Variants in FOXO1 observed in about 807,000 individuals in gnomAD.
FOXO1 encodes forkhead box O1.
A neutral mutation model predicts 44.1 loss-of-function variants in FOXO1; 6 were observed. That is an observed-to-expected ratio of 0.14 (90% CI 0.07 to 0.27). FOXO1 has a LOEUF of 0.27. Among genes scored for constraint, FOXO1 ranks in the 10% least tolerant of loss-of-function variants. The pLI is 1.00. For missense variants in FOXO1, 737 were observed against 888.8 expected, an observed-to-expected ratio of 0.83 and a Z score of 2.17; for synonymous variants, 380 against 362.7, an observed-to-expected ratio of 1.05 and a Z score of -0.54.
chr13:40,634,980 ATT>A (rs1877098782), intron 1 of FOXO1, among the ~76,000 whole-genome samples: 1 of 152,072 alleles, frequency 6.6e-6, no homozygotes, highest in African/African-American at 2.4e-5. Flanking sequence ...TCCAGCCCCA[ATT>A]TTTAAAAACA....
chr13:40,617,422 CA>C (rs1231369919), intron 1 of FOXO1, among the ~76,000 whole-genome samples: 1 of 144,074 alleles, frequency 6.9e-6, no homozygotes, highest in Non-Finnish European at 1.5e-5. Flanking sequence ...GCAACAAGAG[CA>C]AAACTCCGTC....
intron 1 of FOXO1, among the ~76,000 whole-genome samples, chr13:40,660,626 G>A (rs9549254): frequency 0.19 from 29,444 of 152,082 alleles, 2,998 homozygotes; most frequent in South Asian, 0.3. Context: ...GTATCGCCTC[G>A]GAGAAGATTC....
chr13:40,634,967 G>A (rs1014226060), intron 1 of FOXO1, among the ~76,000 whole-genome samples: 1 of 152,060 alleles, frequency 6.6e-6, no homozygotes, highest in African/African-American at 2.4e-5. Flanking sequence ...ATGAGCCACC[G>A]TGTCCAGCCC....
intron 1 of FOXO1, among the ~76,000 whole-genome samples, chr13:40,596,153 G>C (rs764841131): frequency 9.2e-5 from 14 of 151,994 alleles, no homozygotes; most frequent in Non-Finnish European, 1.5e-4. Flanking sequence ...TTATTAAATG[G>C]CCAAATGGAC....
At chr13:40,570,285 G>C (rs540405587) in intron 1 of FOXO1, among the ~76,000 whole-genome samples, 1 of 151,494 alleles carries the variant, frequency 6.6e-6, no homozygotes, top group Non-Finnish European at 1.5e-5. Context: ...ACTCCAGCCC[G>C]GCAACAGAGC....
In FOXO1 at chr13:40,556,667, T is replaced by C. The variant is rs1355844980; in HGVS notation, c.*2382A>G. On this transcript the variant is annotated 3_prime_UTR_variant, in exon 3 of 3. Transcript: ENST00000379561. ...TTCTCAGAGAGCTACCAAGGATTCA[T>C]GACAGGATTTCAACACACAATGGGG... The C allele has an allele frequency of 2.0e-5, 3 of 152,326 alleles. No homozygotes were observed. Among genetic ancestry groups the C allele is most frequent in the African/African-American group, 4.8e-5 (2 of 41,446 alleles). The allele number at this position is 152,326 out of a possible 1,614,324, so 9.4% of individuals were successfully genotyped here. A position where few individuals can be genotyped will look rare whatever the true frequency, so the allele number is the denominator to read the frequency against.
intron 1 of FOXO1, among the ~76,000 whole-genome samples, chr13:40,592,387 T>G (rs116357295): frequency 1.8e-3 from 267 of 152,366 alleles, no homozygotes; most frequent in African/African-American, 6.4e-3. Flanking sequence ...GCAATATCTT[T>G]GAAGGAGTTA....
intron 1 of FOXO1, among the ~76,000 whole-genome samples, chr13:40,629,761 C>CT (rs1454750037): frequency 3.3e-5 from 5 of 152,170 alleles, no homozygotes; most frequent in African/African-American, 1.2e-4. Context: ...ACCAATGGCC[C>CT]TTGCTTCACA....
chr13:40,581,535 C>T (rs144557237), intron 1 of FOXO1, among the ~76,000 whole-genome samples: 200 of 152,294 alleles, frequency 1.3e-3, no homozygotes, highest in African/African-American at 4.6e-3. Flanking sequence ...TTCCATACAA[C>T]ATGCAATTAA....
chr13:40,597,520 C>T (rs1164875850), intron 1 of FOXO1, among the ~76,000 whole-genome samples: 1 of 152,232 alleles, frequency 6.6e-6, no homozygotes, highest in Non-Finnish European at 1.5e-5. Context: ...GGACAGCCCA[C>T]CACCTGGAGG....
intron 1 of FOXO1, among the ~76,000 whole-genome samples, chr13:40,571,704 G>C (rs1357615506): frequency 1.3e-5 from 2 of 152,214 alleles, no homozygotes; most frequent in African/African-American, 2.4e-5. Context: ...AGAATATTAA[G>C]AGGAAACTCA....
intron 1 of FOXO1, chr13:40,620,257 AAT>A: frequency 7.1e-7 from 1 of 1,415,062 alleles, no homozygotes; most frequent in Non-Finnish European, 1.0e-6. Context: ...TCCCGGAGAA[AAT>A]AGAGATCAGG....
intron 1 of FOXO1, among the ~76,000 whole-genome samples, chr13:40,633,973 TA>T (rs1441223314): frequency 6.6e-6 from 1 of 152,162 alleles, no homozygotes; most frequent in Non-Finnish European, 1.5e-5. Context: ...TTCATCAAAA[TA>T]AACTTATGAA....
In FOXO1 at chr13:40,666,599, G is replaced by A. The variant is rs954964974; in HGVS notation, c.-387C>T. ...CTGCCTGTTGAATGTGGCGGCTGCG[G>A]CAGCGGCTGCTGCGACTACCAGGCC... On this transcript the variant is annotated 5_prime_UTR_variant, in exon 1 of 3. Transcript: ENST00000379561. 9 of 199,328 alleles carry A rather than the reference G, an allele frequency of 4.5e-5. No individual in the cohort carries two copies. Among genetic ancestry groups the A allele is most frequent in the Non-Finnish European group, 9.3e-5 (9 of 96,856 alleles). The allele number at this position is 199,328 out of a possible 1,614,324, so 12.3% of individuals were successfully genotyped here.
In FOXO1 at chr13:40,666,536, G is replaced by A. The variant is rs1364110686; in HGVS notation, c.-324C>T. 1.1e-5 allele frequency: 3 copies of A among 269,728 alleles called. No individual in the cohort carries two copies. The highest frequency in any genetic ancestry group is 2.1e-5 in the Non-Finnish European group (3 of 143,042). The allele number at this position is 269,728 out of a possible 1,614,324, so 16.7% of individuals were successfully genotyped here. A position where few individuals can be genotyped will look rare whatever the true frequency, so the allele number is the denominator to read the frequency against. On this transcript the variant is annotated 5_prime_UTR_variant, in exon 1 of 3. Transcript: ENST00000379561. ...GACGGAAGGACGGACGGACGCCGCG[G>A]GCCGCTTGCTCTCCCCAGCGGCGCG...
chr13:40,601,432 A>C (rs1875811665), intron 1 of FOXO1, among the ~76,000 whole-genome samples: 1 of 152,234 alleles, frequency 6.6e-6, no homozygotes, highest in African/African-American at 2.4e-5. Flanking sequence ...ATAGAAAACA[A>C]AGTGGAAGCA....
intron 2 of FOXO1, among the ~76,000 whole-genome samples, chr13:40,559,280 C>G (rs751966396): frequency 6.6e-6 from 1 of 152,042 alleles, no homozygotes; most frequent in Non-Finnish European, 1.5e-5. Context: ...ATGCAGCCAT[C>G]GAACTGTCAA....
chr13:40,570,596 AC>A (rs1874454266), intron 1 of FOXO1, among the ~76,000 whole-genome samples: 1 of 152,160 alleles, frequency 6.6e-6, no homozygotes, highest in Admixed American at 6.5e-5. Flanking sequence ...ATTGAAGAAA[AC>A]CCCTTCAGGG....
chr13:40,580,953 A>C (rs1366076486), intron 1 of FOXO1, among the ~76,000 whole-genome samples: 1 of 152,236 alleles, frequency 6.6e-6, no homozygotes, highest in Non-Finnish European at 1.5e-5. Context: ...ACACACTTAA[A>C]TACCCGGCGC....
Sources: allele counts gnomAD v4.1 joint callset (sites outside exome capture counted in the v4.1 genomes callset), GRCh38; gene constraint gnomAD v4.1.1; transcripts MANE v1.5; gene names NCBI Gene and HGNC (gene_info 2026-07-23, HGNC 2026-07-21).